Variants in HSPA12A observed in about 807,000 individuals in gnomAD.
HSPA12A encodes heat shock protein family A (Hsp70) member 12A.
A neutral mutation model predicts 69.2 loss-of-function variants in HSPA12A; 28 were observed. That is an observed-to-expected ratio of 0.40 (90% CI 0.30 to 0.55). The LOEUF is 0.55. HSPA12A is among the 20% of genes least tolerant of loss of function. The pLI, the probability that HSPA12A is intolerant of heterozygous loss-of-function variation, is 0.38. For synonymous variants in HSPA12A, 345 were observed against 370.5 expected (o/e 0.93, Z 0.79); for missense variants, 686 against 900.7 (o/e 0.76, Z 3.05).
intron 1 of HSPA12A, among the ~76,000 whole-genome samples, chr10:116,742,087 C>T (rs1223704025): frequency 6.6e-6 from 1 of 152,092 alleles, no homozygotes; most frequent in Non-Finnish European, 1.5e-5. Flanking sequence ...GCGGGGGCTG[C>T]ACACGCGGGG....
intron 2 of HSPA12A, among the ~76,000 whole-genome samples, chr10:116,792,063 A>G (rs1195780922): frequency 1.3e-5 from 2 of 151,906 alleles, no homozygotes; most frequent in Non-Finnish European, 2.9e-5. Context: ...TAATAATAAT[A>G]TAATAATAAT....
exon 1 of HSPA12A, chr10:116,849,703 T>G (rs74357473): frequency 3.9e-6 from 6 of 1,538,756 alleles, no homozygotes; most frequent in Non-Finnish European, 5.3e-6. Context: ...ACCTTCTACC[T>G]CCAGCCTGCC....
chr10:116,819,734 G>A (rs1287083310), intron 2 of HSPA12A, among the ~76,000 whole-genome samples: 2 of 152,178 alleles, frequency 1.3e-5, no homozygotes, highest in Non-Finnish European at 2.9e-5. Context: ...ATGGCAACGT[G>A]GGAAAATCGT....
intron 6 of HSPA12A, among the ~76,000 whole-genome samples, chr10:116,688,021 A>G (rs1849626998): frequency 6.6e-6 from 1 of 151,968 alleles, no homozygotes; most frequent in Non-Finnish European, 1.5e-5. Flanking sequence ...ATCAGCTATC[A>G]TTAGTGTTAG....
chr10:116,731,317 C>A (rs1851146461), intron 1 of HSPA12A, among the ~76,000 whole-genome samples: 1 of 152,188 alleles, frequency 6.6e-6, no homozygotes, highest in South Asian at 2.1e-4. Flanking sequence ...AGAACTTAAA[C>A]CAGCTGCCAG....
Position 116,679,490 on chromosome 10 carries a change from G to T in HSPA12A, c.1286+13C>A. ...TAGAATGTCCAGAGCCCGAGGTGAT[G>T]AGCCCAACTCACTTGCTTTTCCGCA... On this transcript the variant is annotated intron_variant, in intron 10 of 11. Coordinates refer to ENST00000369209, the MANE Select transcript of HSPA12A (RefSeq NM_025015.3). 6.2e-7 allele frequency: 1 copy of T among 1,610,390 alleles called. No homozygotes were observed. The highest frequency in any genetic ancestry group is 1.1e-5 in the South Asian group (1 of 90,918).
At chr10:116,727,019 CA>C (rs1402726584) in intron 1 of HSPA12A, among the ~76,000 whole-genome samples, 1 of 150,452 alleles carries the variant, frequency 6.6e-6, no homozygotes, top group African/African-American at 2.4e-5. Context: ...GTGGATCTAA[CA>C]AAGTGTTATC....
intron 1 of HSPA12A, among the ~76,000 whole-genome samples, chr10:116,730,136 T>C (rs1851105469): frequency 6.6e-6 from 1 of 152,228 alleles, no homozygotes; most frequent in Non-Finnish European, 1.5e-5. Flanking sequence ...TAAGCTGAGA[T>C]GGTGCCACTG....
intron 1 of HSPA12A, among the ~76,000 whole-genome samples, chr10:116,720,345 G>A (rs1203444997): frequency 6.6e-6 from 1 of 152,162 alleles, no homozygotes; most frequent in African/African-American, 2.4e-5. Flanking sequence ...ATCTAGCTGC[G>A]GACTCCAGAC....
chr10:116,676,698 A>T (rs1849248604), intron 10 of HSPA12A, among the ~76,000 whole-genome samples, 196 bp from the exon 11 acceptor site: 3 of 152,144 alleles, frequency 2.0e-5, no homozygotes, highest in Admixed American at 2.0e-4. Context: ...CTAAGACATA[A>T]TCTCTTCTCT....
chr10:116,715,452 AT>A (rs1356060686), intron 1 of HSPA12A, among the ~76,000 whole-genome samples: 1 of 152,226 alleles, frequency 6.6e-6, no homozygotes, highest in Non-Finnish European at 1.5e-5. Flanking sequence ...CAGTTACATA[AT>A]TTTTAAAAGA....
intron 1 of HSPA12A, among the ~76,000 whole-genome samples, chr10:116,728,963 G>A (rs1374859591): frequency 1.3e-5 from 2 of 152,148 alleles, no homozygotes; most frequent in Non-Finnish European, 2.9e-5. Context: ...AGCCTCCCGG[G>A]GCAAGGGCCC....
chr10:116,734,852 C>A (rs1490651444), intron 1 of HSPA12A, among the ~76,000 whole-genome samples: 2 of 151,786 alleles, frequency 1.3e-5, no homozygotes, highest in Non-Finnish European at 2.9e-5. Flanking sequence ...ATTAGCCAGG[C>A]GTGGTGGTGG....
At chr10:116,821,578 A>G (rs1002252306) in intron 2 of HSPA12A, among the ~76,000 whole-genome samples, 4 of 152,258 alleles carry the variant, frequency 2.6e-5, no homozygotes, top group East Asian at 3.8e-4. Flanking sequence ...TACATACATT[A>G]GAATGGAAGC....
intron 2 of HSPA12A, among the ~76,000 whole-genome samples, chr10:116,799,443 G>A (rs1844907346): frequency 6.6e-6 from 1 of 152,146 alleles, no homozygotes. Flanking sequence ...CATACTGCTG[G>A]GTGACCTGAA....
At position 116,825,200 on chromosome 10, in the gene HSPA12A, AT is replaced by A. The variant is rs1332450050; in HGVS notation, c.91+9734del. Among the ~76,000 whole-genome samples the A allele has an allele frequency of 5.3e-5, 8 of 150,564 alleles. No individual in the cohort carries two copies. The East Asian group carries it at 9.9e-4, about 19-fold the overall frequency. Reference sequence around the variant, plus strand: ...AGACCTTGTCTCAAAAAAAAAAAAAATAAGTAAATTTAAAAAAAAAATGAAG... The same window carrying A: ...AGACCTTGTCTCAAAAAAAAAAAAAAAAGTAAATTTAAAAAAAAAATGAAG... On this transcript the variant is annotated intron_variant, in intron 2 of 12. Transcript: ENST00000635765.
chr10:116,807,448 C>T (rs1176698752), intron 2 of HSPA12A, among the ~76,000 whole-genome samples: 5 of 152,098 alleles, frequency 3.3e-5, no homozygotes, highest in African/African-American at 1.2e-4. Context: ...GTAAACAGTC[C>T]CCGTATCCAA....
At chr10:116,699,937 T>C (rs960368549) in intron 4 of HSPA12A, among the ~76,000 whole-genome samples, 13 of 152,254 alleles carry the variant, frequency 8.5e-5, no homozygotes, top group African/African-American at 3.1e-4. Flanking sequence ...TATGTTTGCT[T>C]TGTCATCTGC....
At chr10:116,726,128 C>A (rs575811004) in intron 1 of HSPA12A, among the ~76,000 whole-genome samples, 1 of 152,094 alleles carries the variant, frequency 6.6e-6, no homozygotes, top group Non-Finnish European at 1.5e-5. Context: ...GCTGGCTGGT[C>A]TTCCCTCCCA....
Sources: allele counts gnomAD v4.1 joint callset (sites outside exome capture counted in the v4.1 genomes callset), GRCh38; gene constraint gnomAD v4.1.1; transcripts MANE v1.5; gene names NCBI Gene and HGNC (gene_info 2026-07-23, HGNC 2026-07-21).